CDH15: variants seen among roughly 807,000 people sequenced by gnomAD.
CDH15 encodes cadherin 15.
A neutral mutation model predicts 69.4 loss-of-function variants in CDH15; 73 were observed. The ratio of observed to expected loss-of-function variants is 1.05; its 90% CI spans 0.87 to 1.28. The LOEUF (loss-of-function observed/expected upper bound fraction) is 1.28, where lower values mean the gene tolerates loss of function less well. Among genes scored for constraint, CDH15 ranks in the 50% most tolerant of loss-of-function variants. The pLI is 0.00. For missense variants in CDH15, 1,343 were observed against 1,133.6 expected, an observed-to-expected ratio of 1.18 and a Z score of -2.65; for synonymous variants, 624 against 507.7, an observed-to-expected ratio of 1.23 and a Z score of -3.08.
At chr16:89,180,816 C>T (rs927266299) in intron 3 of CDH15, among the ~76,000 whole-genome samples, 3 of 151,954 alleles carry the variant, frequency 2.0e-5, no homozygotes, top group African/African-American at 4.8e-5. Context: ...CTCCGCCTCC[C>T]GGGTTCACGC....
chr16:89,182,047 A>G (rs1008513385), intron 3 of CDH15, among the ~76,000 whole-genome samples: 25 of 150,124 alleles, frequency 1.7e-4, no homozygotes, highest in African/African-American at 6.1e-4. Context: ...AGCCCAGAAA[A>G]CCAGAACCCC....
In CDH15 at chr16:89,179,427, G is replaced by C; in HGVS notation, c.54G>C (p.Leu18=). 2 of 1,613,662 alleles carry C rather than the reference G, an allele frequency of 1.2e-6. No individual in the cohort carries two copies. The highest frequency in any genetic ancestry group is 1.7e-6 in the Non-Finnish European group (2 of 1,179,912). ...VLGLLAQSLC[L]SLGVPGWRRP... ...TGTCTTTGTTGCAGAGCCTCTGCCT[G>C]TCTTTGGGGGTTCCTGGATGGAGGA... is the stretch of plus-strand genomic sequence containing the variant. The change falls in exon 2 of 14, where the codon CTG becomes CTC. Residue 18 remains leucine (L), a synonymous_variant. Transcript: ENST00000289746.
chr16:89,192,247 G>T lies in CDH15; in HGVS notation c.1658G>T (p.Gly553Val). 1 of 1,530,466 alleles carries T rather than the reference G, an allele frequency of 6.5e-7. No individual in the cohort carries two copies. Among genetic ancestry groups the T allele is most frequent in the Non-Finnish European group, 8.7e-7 (1 of 1,145,148 alleles). The allele number at this position is 1,530,466 out of a possible 1,614,324, so 94.8% of individuals were successfully genotyped here. ...RLRPRHQVPEGLHRLSLLLRD... is the reference protein window; with the variant it reads ...RLRPRHQVPEVLHRLSLLLRD... ...CGGCCGCGACACCAGGTCCCCGAAG[G>T]CCTGCACCGCCTCAGCCTGCTGCTC... is the stretch of plus-strand genomic sequence containing the variant. The change falls in exon 11 of 14, where the codon GGC becomes GTC. Residue 553 changes from glycine (G) to valine (V), a missense_variant. Physicochemically the swap from Gly to Val is moderately radical, Grantham distance 109. Transcript: ENST00000289746.
chr16:89,179,665 CG>C lies in CDH15; in HGVS notation c.201+95del, dbSNP rs1915332632. 6.6e-6 allele frequency: 9 copies of C among 1,358,326 alleles called. No individual in the cohort carries two copies. In the East Asian group the frequency reaches 2.1e-4, roughly 32 times the overall value. 84.1% of individuals were successfully genotyped at this position (1,358,326 alleles called of 1,614,324 possible). ...TCTCTAAAGGTCTCCTGGGAGCCAG[CG>C]GGGCCCCATTTCAGGACAGAGCTGA... On this transcript the variant is annotated intron_variant, in intron 2 of 13. Transcript: ENST00000289746.
At position 89,180,848 on chromosome 16, in the gene CDH15, C is replaced by T. The variant is rs572579364; in HGVS notation, c.357+493C>T. On this transcript the variant is annotated intron_variant, in intron 3 of 13. Coordinates refer to ENST00000289746, the MANE Select transcript of CDH15 (RefSeq NM_004933.3). Reference sequence around the variant, plus strand: ...ACGCCATTCTCCTGCCTCAGCCTCCCGAGTAGCTGGGACTACAGGCCCCTG... The same window carrying T: ...ACGCCATTCTCCTGCCTCAGCCTCCTGAGTAGCTGGGACTACAGGCCCCTG... 3.7e-3 allele frequency among the ~76,000 whole-genome samples: 565 copies of T among 151,360 alleles called. 2 individuals are homozygous for T. Among genetic ancestry groups the T allele is most frequent in the South Asian group, 0.024 (115 of 4,788 alleles).
At chr16:89,185,830 T>C in intron 5 of CDH15, 2 of 248,182 alleles carry the variant, frequency 8.1e-6, no homozygotes, top group South Asian at 9.2e-5. Flanking sequence ...GTGTGCTAGG[T>C]GCCCAGCACA....
intron 13 of CDH15, among the ~76,000 whole-genome samples, chr16:89,194,512 G>A (rs1459361270): frequency 6.6e-6 from 1 of 152,204 alleles, no homozygotes; most frequent in Non-Finnish European, 1.5e-5. Context: ...GGATGGGGGT[G>A]TCCAGGAGGC....
chr16:89,183,610 T>A lies in CDH15; in HGVS notation c.420T>A (p.Ile140=), dbSNP rs759649560. The A allele has an allele frequency of 2.5e-6, 4 of 1,613,984 alleles. No homozygotes were observed. The highest frequency in any genetic ancestry group is 1.3e-5 in the African/African-American group (1 of 74,906). The change falls in exon 4 of 14, where the codon ATT becomes ATA. Residue 140 remains isoleucine (I), a synonymous_variant. Coordinates refer to ENST00000289746, the MANE Select transcript of CDH15 (RefSeq NM_004933.3). ...STLEDPTDLE[I]VVVDQNDNRP... ...TGGAGGACCCCACGGACCTGGAGATTGTAGTTGTGGATCAGAATGACAACC... is the reference window on the plus strand; with the variant it reads ...TGGAGGACCCCACGGACCTGGAGATAGTAGTTGTGGATCAGAATGACAACC...
intron 4 of CDH15, 29 bp from the exon 5 acceptor site, chr16:89,185,144 T>A (rs200113080): frequency 2.5e-6 from 4 of 1,570,058 alleles, no homozygotes; most frequent in Non-Finnish European, 3.5e-6. Flanking sequence ...CTGTGGACGT[T>A]GGCCCTCACG....
intron 5 of CDH15, among the ~76,000 whole-genome samples, chr16:89,187,059 A>G (rs1173666940): frequency 1.3e-5 from 2 of 151,710 alleles, no homozygotes; most frequent in Non-Finnish European, 2.9e-5. Context: ...GTAAACGCTT[A>G]CCCCGGGCAC....
intron 13 of CDH15, 45 bp from the exon 14 acceptor site, chr16:89,194,817 C>T (rs746486955): frequency 6.3e-5 from 98 of 1,558,080 alleles, no homozygotes; most frequent in Middle Eastern, 4.3e-4. Flanking sequence ...GTGGGGCACC[C>T]GCTGGCCCCT....
intron 5 of CDH15, among the ~76,000 whole-genome samples, chr16:89,186,967 A>G (rs1278814671): frequency 1.7e-3 from 160 of 96,294 alleles, no homozygotes; most frequent in South Asian, 2.6e-3. Flanking sequence ...CTTACCCAGC[A>G]CACAGTAGGT....
At chr16:89,181,677 C>T (rs1307689928) in intron 3 of CDH15, among the ~76,000 whole-genome samples, 1 of 151,784 alleles carries the variant, frequency 6.6e-6, no homozygotes, top group Admixed American at 6.6e-5. Flanking sequence ...CGGTGGCTCA[C>T]GCCTGTAATC....
intron 7 of CDH15, 120 bp from the exon 8 acceptor site, chr16:89,190,123 G>T: frequency 8.4e-7 from 1 of 1,192,288 alleles, no homozygotes; most frequent in Non-Finnish European, 1.2e-6. Context: ...AGGTTAAAAA[G>T]GGGCAGAAGG....
intron 1 of CDH15, among the ~76,000 whole-genome samples, chr16:89,178,885 G>A (rs573573636): frequency 1.1e-4 from 16 of 152,292 alleles, no homozygotes; most frequent in African/African-American, 3.9e-4. Flanking sequence ...CCAGCCCACT[G>A]TGCCCACAGG....
At chr16:89,185,548 A>T in intron 5 of CDH15, 1 of 640,088 alleles carries the variant, frequency 1.6e-6, no homozygotes, top group Non-Finnish European at 2.8e-6. Flanking sequence ...GGTCTGGTGC[A>T]AGTAGGGCGT....
intron 1 of CDH15, among the ~76,000 whole-genome samples, chr16:89,177,460 G>T (rs2151598193): frequency 6.6e-6 from 1 of 152,318 alleles, no homozygotes; most frequent in East Asian, 1.9e-4. Flanking sequence ...GAGCGCTGTT[G>T]GGTGGGAGGG....
chr16:89,175,897 G>A (rs1336763298), intron 1 of CDH15, among the ~76,000 whole-genome samples: 2 of 152,244 alleles, frequency 1.3e-5, no homozygotes, highest in Non-Finnish European at 2.9e-5. Flanking sequence ...CCTGCTGGCC[G>A]AGGACCAAGA....
Position 89,179,629 on chromosome 16 carries a change from G to A in CDH15, c.201+55G>A, listed in dbSNP as rs1465041953. Reference sequence around the variant, plus strand: ...AAAGGGGTAGGCTGGTCCCCAGTGGGCCTCCCTCATTCTCTAAAGGTCTCC... The same window carrying A: ...AAAGGGGTAGGCTGGTCCCCAGTGGACCTCCCTCATTCTCTAAAGGTCTCC... On this transcript the variant is annotated intron_variant, in intron 2 of 13. Coordinates refer to ENST00000289746, the MANE Select transcript of CDH15 (RefSeq NM_004933.3). 4 of 1,493,078 alleles carry A rather than the reference G, an allele frequency of 2.7e-6. No individual in the cohort carries two copies. The African/African-American group carries it at 4.2e-5, about 16-fold the overall frequency. The allele number at this position is 1,493,078 out of a possible 1,614,324, so 92.5% of individuals were successfully genotyped here.
Sources: gnomAD v4.1 joint callset for allele counts (sites outside exome capture counted in the v4.1 genomes callset) on GRCh38, gnomAD v4.1.1 for gene constraint, MANE v1.5 for transcripts, NCBI Gene and HGNC (gene_info 2026-07-23, HGNC 2026-07-21) for gene names.